The following HACD2 variants were observed in gnomAD, a reference collection of about 807,000 sequenced individuals.
HACD2 encodes the protein very-long-chain (3R)-3-hydroxyacyl-CoA dehydratase 2.
HACD2 carries 15 observed loss-of-function variants against 31.0 expected under a neutral mutation model. The ratio of observed to expected loss-of-function variants is 0.48; its 90% confidence interval spans 0.32 to 0.75. The LOEUF is 0.75. HACD2 is among the 30% of genes least tolerant of loss of function. The pLI is 0.03. For missense variants in HACD2, 283 were observed against 313.0 expected (o/e 0.90, Z 0.72); for synonymous variants, 115 against 122.2 (o/e 0.94, Z 0.39).
At chr3:123,552,180 T>G (rs1472249648) in intron 3 of HACD2, among the ~76,000 whole-genome samples, 1 of 151,946 alleles carries the variant, frequency 6.6e-6, no homozygotes, top group Non-Finnish European at 1.5e-5. Flanking sequence ...CTGAAAAACA[T>G]CTTATTTGGA....
chr3:123,495,401 C>T, intron 6 of HACD2, among the ~76,000 whole-genome samples: 1 of 152,176 alleles, frequency 6.6e-6, no homozygotes, highest in Admixed American at 6.5e-5. Context: ...TGCCTAGGGT[C>T]TCACAGTAAG....
chr3:123,565,825 G>A (rs928428105), intron 3 of HACD2, among the ~76,000 whole-genome samples: 2 of 152,062 alleles, frequency 1.3e-5, no homozygotes, highest in South Asian at 2.1e-4. Flanking sequence ...TTATTTAACC[G>A]TTTATGAAAG....
intron 4 of HACD2, among the ~76,000 whole-genome samples, chr3:123,516,379 C>A (rs557677089): frequency 6.6e-6 from 1 of 152,074 alleles, no homozygotes; most frequent in South Asian, 2.1e-4. Context: ...GGATTACAGG[C>A]GCCCGCTGCG....
chr3:123,510,720 T>C (rs1199495159), intron 4 of HACD2, among the ~76,000 whole-genome samples: 2 of 152,252 alleles, frequency 1.3e-5, no homozygotes, highest in African/African-American at 4.8e-5. Context: ...TATGCTGCTA[T>C]GAACATTGGT....
intron 3 of HACD2, among the ~76,000 whole-genome samples, chr3:123,551,051 G>GT (rs974684069): frequency 6.6e-5 from 10 of 152,178 alleles, no homozygotes; most frequent in African/African-American, 2.4e-4. Context: ...AAGTAGTCAG[G>GT]TTTTCAGTAA....
chr3:123,543,699 C>A (rs1296230971), intron 3 of HACD2: 1 of 417,112 alleles, frequency 2.4e-6, no homozygotes, highest in Non-Finnish European at 4.8e-6. Flanking sequence ...GATAGCCACT[C>A]GAATTATAAC....
At chr3:123,534,557 C>T (rs575703403) in intron 3 of HACD2, among the ~76,000 whole-genome samples, 1 of 151,834 alleles carries the variant, frequency 6.6e-6, no homozygotes, top group African/African-American at 2.4e-5. Context: ...GACTATGTAA[C>T]TGGTTTATGT....
chr3:123,549,143 G>A (rs888492576), intron 3 of HACD2, among the ~76,000 whole-genome samples: 2 of 151,304 alleles, frequency 1.3e-5, no homozygotes, highest in Admixed American at 1.3e-4. Flanking sequence ...AGTATATTAA[G>A]GTTAAAAGAT....
At chr3:123,512,510 G>C (rs2056076493) in intron 4 of HACD2, among the ~76,000 whole-genome samples, 1 of 152,134 alleles carries the variant, frequency 6.6e-6, no homozygotes, top group African/African-American at 2.4e-5. Flanking sequence ...GGAAGGTGGT[G>C]GGCTAACACA....
intron 4 of HACD2, among the ~76,000 whole-genome samples, chr3:123,519,009 A>G (rs1369885170): frequency 6.6e-6 from 1 of 151,234 alleles, no homozygotes; most frequent in Admixed American, 6.6e-5. Context: ...AAAAAAAAAA[A>G]AAAAAAAAAA....
intron 3 of HACD2, among the ~76,000 whole-genome samples, chr3:123,533,111 AT>A (rs1187710426): frequency 2.0e-5 from 3 of 152,188 alleles, no homozygotes; most frequent in Non-Finnish European, 4.4e-5. Context: ...GCTACCACAA[AT>A]CGTTGTAGAA....
At chr3:123,564,023 A>G (rs2056764114) in intron 3 of HACD2, among the ~76,000 whole-genome samples, 1 of 152,276 alleles carries the variant, frequency 6.6e-6, no homozygotes, top group Non-Finnish European at 1.5e-5. Context: ...AACTGAATTG[A>G]CAAAACCTGA....
intron 3 of HACD2, among the ~76,000 whole-genome samples, chr3:123,551,232 T>G (rs1271374606): frequency 5.3e-5 from 8 of 152,174 alleles, no homozygotes; most frequent in Admixed American, 5.2e-4. Flanking sequence ...CATGTTTACC[T>G]CCTAGGCTTA....
At chr3:123,534,907 G>A (rs2056407607) in intron 3 of HACD2, among the ~76,000 whole-genome samples, 1 of 151,916 alleles carries the variant, frequency 6.6e-6, no homozygotes, top group Non-Finnish European at 1.5e-5. Context: ...TTTCTGTACA[G>A]CTATACAATG....
chr3:123,546,849 C>T (rs1352760193), intron 3 of HACD2, among the ~76,000 whole-genome samples: 1 of 152,166 alleles, frequency 6.6e-6, no homozygotes, highest in Non-Finnish European at 1.5e-5. Flanking sequence ...ATTTCAATTA[C>T]ACTTTTCAGT....
intron 3 of HACD2, chr3:123,543,853 CT>C (rs2056523000): frequency 1.1e-5 from 2 of 181,240 alleles, no homozygotes; most frequent in South Asian, 1.9e-4. Flanking sequence ...ATTTATTTGT[CT>C]AATAAGTAAT....
intron 2 of HACD2, among the ~76,000 whole-genome samples, chr3:123,575,974 C>A (rs1051932431): frequency 6.6e-6 from 1 of 152,178 alleles, no homozygotes. Context: ...ACCTTTTCTA[C>A]TTCCTCTGGT....
intron 2 of HACD2, among the ~76,000 whole-genome samples, chr3:123,573,973 C>T (rs76528016): frequency 3.4e-4 from 51 of 152,204 alleles, no homozygotes; most frequent in African/African-American, 1.2e-3. Context: ...GTAAGGTCAC[C>T]TAATCCAGTG....
chr3:123,520,980 C>T (rs1427167858), intron 4 of HACD2, among the ~76,000 whole-genome samples: 2 of 152,070 alleles, frequency 1.3e-5, no homozygotes, highest in East Asian at 3.9e-4. Context: ...TGACAGTTTC[C>T]TAAAGTGAAA....
Sources: allele counts gnomAD v4.1 joint callset (sites outside exome capture counted in the v4.1 genomes callset), GRCh38; gene constraint gnomAD v4.1.1; transcripts MANE v1.5; gene names NCBI Gene and HGNC (gene_info 2026-07-23, HGNC 2026-07-21).